The following PCLO variants were observed in gnomAD, a reference collection of about 807,000 sequenced individuals.
The protein encoded by PCLO is piccolo presynaptic cytomatrix protein.
A neutral mutation model predicts 427.5 loss-of-function variants in PCLO; 82 were observed. The observed-to-expected ratio is 0.19, with a 90% CI of 0.16 to 0.23. PCLO has a LOEUF of 0.23. PCLO is among the 10% of genes least tolerant of loss of function. PCLO has a pLI of 1.00. For missense variants in PCLO, 6,239 were observed against 6,115.9 expected (o/e 1.02, Z -0.67); for synonymous variants, 2,357 against 2,155.4 (o/e 1.09, Z -2.59).
chr7:82,777,159 A>G (rs1383814604), intron 22 of PCLO, among the ~76,000 whole-genome samples: 1 of 152,088 alleles, frequency 6.6e-6, no homozygotes, highest in Non-Finnish European at 1.5e-5. Flanking sequence ...CACAACTGCC[A>G]CAAGAAGAAT....
At chr7:82,879,286 T>G (rs1793444451) in intron 10 of PCLO, 51 bp downstream of exon 10, 1 of 1,458,664 alleles carries the variant, frequency 6.9e-7, no homozygotes, top group African/African-American at 1.4e-5. Context: ...TTAAAATGTA[T>G]TTAATATGAG....
intron 20 of PCLO, 41 bp downstream of exon 20, chr7:82,822,454 C>T (rs1051688523): frequency 6.2e-7 from 1 of 1,613,100 alleles, no homozygotes; most frequent in South Asian, 1.1e-5. Context: ...AACAGATGAA[C>T]ATTAAGCTGC....
intron 3 of PCLO, among the ~76,000 whole-genome samples, chr7:82,993,970 T>C (rs1796437953): frequency 6.6e-6 from 1 of 151,968 alleles, no homozygotes; most frequent in African/African-American, 2.4e-5. Context: ...GAGAAAACTA[T>C]CAGGAAGAAA....
chr7:82,847,590 CAA>C (rs1336633200), intron 10 of PCLO, among the ~76,000 whole-genome samples: 1 of 152,030 alleles, frequency 6.6e-6, no homozygotes, highest in Non-Finnish European at 1.5e-5. Flanking sequence ...AACAAACAAA[CAA>C]TTAGAAACCC....
chr7:82,796,716 G>A (rs1219744451), intron 22 of PCLO, among the ~76,000 whole-genome samples: 1 of 149,634 alleles, frequency 6.7e-6, no homozygotes, highest in Non-Finnish European at 1.5e-5. Flanking sequence ...TATACAATAG[G>A]TGTGGTACAG....
intron 3 of PCLO, among the ~76,000 whole-genome samples, chr7:83,099,389 T>G (rs1251272688): frequency 9.5e-6 from 1 of 105,584 alleles, no homozygotes; most frequent in African/African-American, 4.4e-5. Context: ...GTAGATTTTT[T>G]TGTTTTTTTT....
chr7:83,030,532 A>T (rs1788641444), intron 3 of PCLO, among the ~76,000 whole-genome samples: 1 of 152,144 alleles, frequency 6.6e-6, no homozygotes, highest in Non-Finnish European at 1.5e-5. Context: ...TGTTCAATTT[A>T]TACTGCAGTA....
Position 83,011,026 on chromosome 7 carries a change from A to G in PCLO, c.3301-44539T>C, listed in dbSNP as rs570609508. On this transcript the variant is annotated intron_variant, in intron 3 of 24. Coordinates refer to ENST00000333891, the MANE Select transcript of PCLO (RefSeq NM_033026.6). The stretch of plus-strand genomic sequence containing the variant: ...ACTATATGAGAATCTCAGCACACAC[A>G]TGATCTTGTATGAAACTATCCCTTT... Among the ~76,000 whole-genome samples, 13 of 152,104 alleles carry G rather than the reference A, an allele frequency of 8.5e-5. No homozygotes were observed. In the South Asian group the frequency reaches 2.5e-3, roughly 29 times the overall value.
intron 9 of PCLO, among the ~76,000 whole-genome samples, chr7:82,891,490 A>G (rs926338714): frequency 6.6e-6 from 1 of 152,086 alleles, no homozygotes; most frequent in Non-Finnish European, 1.5e-5. Context: ...AAAAGGGACA[A>G]TTTGACTTCC....
At chr7:83,150,814 G>GA (rs1164054485) in intron 2 of PCLO, among the ~76,000 whole-genome samples, 10 of 152,258 alleles carry the variant, frequency 6.6e-5, no homozygotes, top group African/African-American at 2.4e-4. Flanking sequence ...CAACAAGCTG[G>GA]AAAATAATAA....
intron 22 of PCLO, among the ~76,000 whole-genome samples, chr7:82,772,429 A>T (rs1790666782): frequency 6.6e-6 from 1 of 152,044 alleles, no homozygotes; most frequent in Admixed American, 6.6e-5. Flanking sequence ...CTCATGTTTT[A>T]GGGCTAAGTG....
At chr7:82,978,610 T>A (rs1226974894) in intron 3 of PCLO, among the ~76,000 whole-genome samples, 1 of 151,430 alleles carries the variant, frequency 6.6e-6, no homozygotes. Flanking sequence ...TCATATGTAT[T>A]ATATGCATGA....
At chr7:82,758,753 T>C in intron 24 of PCLO, 38 bp from the exon 25 acceptor site, 1 of 1,263,316 alleles carries the variant, frequency 7.9e-7, no homozygotes, top group Non-Finnish European at 1.1e-6. Flanking sequence ...ATTTAATTTA[T>C]ACACATATAC....
chr7:82,871,018 A>G (rs942312340), intron 10 of PCLO, among the ~76,000 whole-genome samples: 3 of 152,034 alleles, frequency 2.0e-5, no homozygotes, highest in Non-Finnish European at 2.9e-5. Flanking sequence ...TGGCCATGTA[A>G]ATTAGTCCAA....
intron 9 of PCLO, among the ~76,000 whole-genome samples, chr7:82,890,627 G>T (rs57287011): frequency 6.6e-6 from 1 of 151,908 alleles, no homozygotes; most frequent in African/African-American, 2.4e-5. Context: ...TAAGGTAGAA[G>T]ATGAGAATTT....
intron 3 of PCLO, among the ~76,000 whole-genome samples, chr7:83,004,793 C>CA (rs1210219309): frequency 3.3e-5 from 5 of 150,724 alleles, no homozygotes; most frequent in East Asian, 3.9e-4. Context: ...TGCTAATATC[C>CA]AAAAAAAATA....
chr7:82,811,694 T>C (rs1007613385), intron 20 of PCLO, among the ~76,000 whole-genome samples: 1 of 151,532 alleles, frequency 6.6e-6, no homozygotes, highest in African/African-American at 2.4e-5. Context: ...ATTATCTATT[T>C]GGGAAAATCT....
Position 82,955,791 on chromosome 7 carries a change from T to C in PCLO, c.5162A>G (p.His1721Arg). The C allele has an allele frequency of 1.9e-6, 3 of 1,613,984 alleles. No individual in the cohort carries two copies. The highest frequency in any genetic ancestry group is 2.5e-6 in the Non-Finnish European group (3 of 1,179,872). The change falls in exon 5 of 25, where the codon CAT becomes CGT. Residue 1721 changes from histidine (H) to arginine (R), a missense_variant. By Grantham distance (29) the His-to-Arg change is conservative. This residue lies in a region of PCLO where 4,677 missense variants were observed against 4,468.4 expected (regional missense o/e 1.05). Coordinates refer to ENST00000333891, the MANE Select transcript of PCLO (RefSeq NM_033026.6). ...RSRGEGSSSL[H>R]ASSFTPGTSP... ...TGTACCAGGAGTGAAGCTGGAAGCA[T>C]GCAGACTCGAAGATCCCTCTCCCCT...
At chr7:83,021,838 A>C (rs1269900588) in intron 3 of PCLO, among the ~76,000 whole-genome samples, 1 of 152,214 alleles carries the variant, frequency 6.6e-6, no homozygotes, top group Non-Finnish European at 1.5e-5. Flanking sequence ...AGAAAGAGGC[A>C]AGAAAATAGA....
Sources: allele counts gnomAD v4.1 joint callset (sites outside exome capture counted in the v4.1 genomes callset), GRCh38; gene constraint gnomAD v4.1.1; regional missense constraint gnomAD v4.1.1; transcripts MANE v1.5; gene names NCBI Gene and HGNC (gene_info 2026-07-23, HGNC 2026-07-21).